The following DCTPP1 variants were observed in gnomAD, a reference collection of about 807,000 sequenced individuals.
The protein encoded by DCTPP1 is dCTP pyrophosphatase 1, also known as XTP3-transactivated gene A protein.
A neutral mutation model predicts 8.8 loss-of-function variants in DCTPP1; 8 were observed. The ratio of observed to expected loss-of-function variants is 0.91; its 90% CI spans 0.54 to 1.64. DCTPP1 has a LOEUF of 1.64. Ranked by LOEUF, DCTPP1 falls within the 40% of genes most tolerant of loss-of-function variation. The pLI is 0.00. For synonymous variants in DCTPP1, 85 were observed against 92.1 expected (o/e 0.92, Z 0.44); for missense variants, 231 against 230.4 (o/e 1.00, Z -0.02).
chr16:30,424,490 G>T lies in DCTPP1; in HGVS notation c.256C>A (p.Pro86Thr), dbSNP rs780869586. 6 of 1,614,158 alleles carry T rather than the reference G, an allele frequency of 3.7e-6. No homozygotes were observed. Among genetic ancestry groups the T allele is most frequent in the Non-Finnish European group, 5.1e-6 (6 of 1,180,048 alleles). Residue 86 changes from proline to threonine, a missense_variant, in exon 3 of 3, where the codon CCC becomes ACC. By Grantham distance (38) the Pro-to-Thr change is conservative. Coordinates refer to ENST00000319285, the MANE Select transcript of DCTPP1 (RefSeq NM_024096.2). ...TCTTGAAGGGCTGCCCGTTCCCTGGGGGACCAGCCTTGGGGGCCAGGTTCC... is the reference window on the plus strand; with the variant it reads ...TCTTGAAGGGCTGCCCGTTCCCTGGTGGACCAGCCTTGGGGGCCAGGTTCC... ...DGEPGPQGWSPRERAALQEEL... is the reference protein window; with the variant it reads ...DGEPGPQGWSTRERAALQEEL...
chr16:30,424,644 G>A, intron 2 of DCTPP1, 111 bp from the exon 3 acceptor site: 2 of 1,384,000 alleles, frequency 1.4e-6, no homozygotes, highest in Non-Finnish European at 1.9e-6. Flanking sequence ...ACCAATCTGG[G>A]CCCTGGGAAG....
intron 2 of DCTPP1, among the ~76,000 whole-genome samples, chr16:30,425,175 C>G (rs924143192): frequency 6.6e-6 from 1 of 152,286 alleles, no homozygotes; most frequent in South Asian, 2.1e-4. Context: ...CCACCGCACC[C>G]GGCCCACACC....
At chr16:30,428,868 T>C in intron 2 of DCTPP1, 189 bp downstream of exon 2, 1 of 552,288 alleles carries the variant, frequency 1.8e-6, no homozygotes, top group Non-Finnish European at 3.2e-6. Flanking sequence ...ACCTCACACC[T>C]CTCTCTTCCA....
intron 2 of DCTPP1, among the ~76,000 whole-genome samples, chr16:30,427,256 C>T (rs1567445207): frequency 6.9e-6 from 1 of 145,288 alleles, no homozygotes; most frequent in Non-Finnish European, 1.5e-5. Flanking sequence ...ATGATCTGCC[C>T]GTCTCAGCCT....
At position 30,429,166 on chromosome 16, in the gene DCTPP1, G is replaced by A. The variant is rs753614679; in HGVS notation, c.103C>T (p.Arg35Cys). The A allele has an allele frequency of 1.2e-5, 19 of 1,613,916 alleles. No individual in the cohort carries two copies. Among genetic ancestry groups the A allele is most frequent in the Non-Finnish European group, 1.6e-5 (19 of 1,179,972 alleles). ...FSPEPTLEDI[R>C]RLHAEFAAER... ...GCAGCAAACTCAGCATGGAGGCGGCGGCTGAAATAGGACAAAGGAGTGTAA... is the reference window on the plus strand; with the variant it reads ...GCAGCAAACTCAGCATGGAGGCGGCAGCTGAAATAGGACAAAGGAGTGTAA... Residue 35 changes from arginine to cysteine, a missense_variant and splice_region_variant, in exon 2 of 3, where the codon CGC becomes TGC. Coordinates refer to ENST00000319285, the MANE Select transcript of DCTPP1 (RefSeq NM_024096.2).
At position 30,424,393 on chromosome 16, in the gene DCTPP1, A is replaced by G. The variant is rs961928311; in HGVS notation, c.353T>C (p.Val118Ala). The change falls in exon 3 of 3, where the codon GTG becomes GCG. Residue 118 changes from valine (V) to alanine (A), a missense_variant. Coordinates refer to ENST00000319285, the MANE Select transcript of DCTPP1 (RefSeq NM_024096.2). ...CCGGTTGATGTCCATTTTGGAGAGC[A>G]CTGCTAGCGGCAGATCCACACGGCA... The part of the protein sequence containing the change: ...ARCRVDLPLA[V>A]LSKMDINRRR... The G allele has an allele frequency of 6.2e-7, 1 of 1,614,094 alleles. No homozygotes were observed. The highest frequency in any genetic ancestry group is 8.5e-7 in the Non-Finnish European group (1 of 1,180,002).
At chr16:30,427,985 A>G (rs972280334) in intron 2 of DCTPP1, among the ~76,000 whole-genome samples, 1 of 151,994 alleles carries the variant, frequency 6.6e-6, no homozygotes, top group African/African-American at 2.4e-5. Context: ...ACAGAGTGAG[A>G]CCTTTTCTCT....
intron 2 of DCTPP1, 81 bp downstream of exon 2, chr16:30,428,976 T>A: frequency 7.2e-7 from 1 of 1,390,212 alleles, no homozygotes; most frequent in Non-Finnish European, 9.9e-7. Flanking sequence ...ACTGAACCCA[T>A]GAATGTTTGA....
At position 30,427,007 on chromosome 16, in the gene DCTPP1, C is replaced by T. The variant is rs574168544; in HGVS notation, c.212+2050G>A. Among the ~76,000 whole-genome samples, 304 of 134,438 alleles carry T rather than the reference C, an allele frequency of 2.3e-3. 3 individuals carry two copies. Among genetic ancestry groups the T allele is most frequent in the Middle Eastern group, 5.1e-3 (1 of 198 alleles). The allele number at this position is 134,438 out of a possible 152,430, so 88.2% of individuals were successfully genotyped here. A position where few individuals can be genotyped will look rare whatever the true frequency, so the allele number is the denominator to read the frequency against. Reference sequence around the variant, plus strand: ...TGAGCCACCGCACCTGGACCTTTTTCGTTGGGTTTTTTTTTTTTTTGAGAC... The same window carrying T: ...TGAGCCACCGCACCTGGACCTTTTTTGTTGGGTTTTTTTTTTTTTTGAGAC... On this transcript the variant is annotated intron_variant, in intron 2 of 2. Transcript: ENST00000319285.
At chr16:30,428,347 G>A (rs1392755090) in intron 2 of DCTPP1, among the ~76,000 whole-genome samples, 2 of 152,184 alleles carry the variant, frequency 1.3e-5, no homozygotes, top group African/African-American at 2.4e-5. Context: ...ATGAAGGAGC[G>A]TCAGATTCTC....
rs765567699 is a variant in DCTPP1, at chr16:30,424,242, G to A, written c.504C>T (p.Thr168=). Residue 168 remains threonine (T), a synonymous_variant, in exon 3 of 3, where the codon ACC becomes ACT. Transcript: ENST00000319285. ...ADIPCDSTGQ[T]ST ...TCCTGTGGCCATCTTTCTAGGTTGA[G>A]GTCTGGCCTGTGGAGTCACAGGGAA... 3.1e-6 allele frequency: 5 copies of A among 1,613,890 alleles called. No homozygotes were observed. Among genetic ancestry groups the A allele is most frequent in the Admixed American group, 1.7e-5 (1 of 60,010 alleles).
At chr16:30,428,460 C>T (rs1023760472) in intron 2 of DCTPP1, among the ~76,000 whole-genome samples, 2 of 152,212 alleles carry the variant, frequency 1.3e-5, no homozygotes, top group African/African-American at 4.8e-5. Context: ...TTCCTTTCAG[C>T]CCCAGAGGCA....
rs749238723 is a variant in DCTPP1, at chr16:30,424,320, T to C, written c.426A>G (p.Thr142=). 6.2e-7 allele frequency: 1 copy of C among 1,614,120 alleles called. No homozygotes were observed. Among genetic ancestry groups the C allele is most frequent in the East Asian group, 2.2e-5 (1 of 44,904 alleles). Residue 142 remains threonine, a synonymous_variant, in exon 3 of 3, where the codon ACA becomes ACG. Transcript: ENST00000319285. ...CAGAGATGGCCCCATGGGGCAATTCTGTATACTTGCGGGAAGAGCTGCGGG... is the reference window on the plus strand; with the variant it reads ...CAGAGATGGCCCCATGGGGCAATTCCGTATACTTGCGGGAAGAGCTGCGGG... ...HLARSSSRKY[T]ELPHGAISED...
At position 30,424,349 on chromosome 16, in the gene DCTPP1, G is replaced by C; in HGVS notation, c.397C>G (p.Leu133Val). ...TACTTGCGGGAAGAGCTGCGGGCCA[G>C]ATGGGCTGGGTAGCGTCGCCGGTTG... Reference protein sequence around the residue: ...DINRRRYPAHLARSSSRKYTE... With the variant: ...DINRRRYPAHVARSSSRKYTE... Residue 133 changes from leucine to valine, a missense_variant, in exon 3 of 3, where the codon CTG (leucine) becomes GTG (valine). Leu to Val is a conservative substitution (Grantham distance 32). Transcript: ENST00000319285. 3.1e-6 allele frequency: 5 copies of C among 1,614,246 alleles called. No homozygotes were observed. The highest frequency in any genetic ancestry group is 4.2e-6 in the Non-Finnish European group (5 of 1,180,050).
At chr16:30,428,743 G>A in intron 2 of DCTPP1, 1 of 408,436 alleles carries the variant, frequency 2.4e-6, no homozygotes, top group Non-Finnish European at 4.3e-6. Context: ...CTCCAGCCTG[G>A]GCGACAGAGC....
rs1172860792 is a variant in DCTPP1, at chr16:30,424,477, G to A, written c.269C>T (p.Ala90Val). Residue 90 changes from alanine to valine, a missense_variant, in exon 3 of 3, where the codon GCA (alanine) becomes GTA (valine). Transcript: ENST00000319285. ...GTCACTAAGCTCCTCTTGAAGGGCT[G>A]CCCGTTCCCTGGGGGACCAGCCTTG... Reference protein sequence around the residue: ...GPQGWSPRERAALQEELSDVL... With the variant: ...GPQGWSPRERVALQEELSDVL... The A allele has an allele frequency of 6.2e-7, 1 of 1,614,200 alleles. No individual in the cohort carries two copies. Among genetic ancestry groups the A allele is most frequent in the Admixed American group, 1.7e-5 (1 of 60,030 alleles).
rs2151129872 is a variant in DCTPP1 at position 30,429,902 on chromosome 16, G to A, written c.79C>T (p.Pro27Ser). 6.3e-7 allele frequency: 1 copy of A among 1,596,258 alleles called. No homozygotes were observed. Among genetic ancestry groups the A allele is most frequent in the Non-Finnish European group, 8.5e-7 (1 of 1,172,216 alleles). ...TAAPGRFSFS[P>S]EPTLEDIRRL... ...TACATGTCCTCGAGCGTGGGCTCCG[G>A]GCTGAAGCTGAACCGGCCGGGAGCA... Residue 27 changes from proline (P) to serine (S), a missense_variant, in exon 1 of 3, where the codon CCG (proline) becomes TCG (serine). Physicochemically the swap from Pro to Ser is moderately conservative, Grantham distance 74. Coordinates refer to ENST00000319285, the MANE Select transcript of DCTPP1 (RefSeq NM_024096.2).
At position 30,424,579 on chromosome 16, in the gene DCTPP1, G is replaced by A. The variant is rs758354813; in HGVS notation, c.213-46C>T. 2.1e-5 allele frequency: 34 copies of A among 1,590,352 alleles called. No individual in the cohort carries two copies. In the South Asian group the frequency reaches 3.6e-4, roughly 17 times the overall value. ...GACACACACTCAGATGTAACCTGGG[G>A]CAATGGGCTCTGCCAGTCCTTGCAG... On this transcript the variant is annotated intron_variant, in intron 2 of 2. Transcript: ENST00000319285.
chr16:30,425,214 C>T lies in DCTPP1; in HGVS notation c.213-681G>A, dbSNP rs558816780. On this transcript the variant is annotated intron_variant, in intron 2 of 2. Coordinates refer to ENST00000319285, the MANE Select transcript of DCTPP1 (RefSeq NM_024096.2). ...TTTTAAAAGCACAAATCAGGCTTGG[C>T]GCAGTGGCTCACGCCTATAATCCCA... Among the ~76,000 whole-genome samples the T allele has an allele frequency of 2.0e-4, 31 of 152,182 alleles. 1 individual carries two copies. In the South Asian group the frequency reaches 3.7e-3, roughly 18 times the overall value.
Sources: gnomAD v4.1 joint callset for allele counts (sites outside exome capture counted in the v4.1 genomes callset) on GRCh38, gnomAD v4.1.1 for gene constraint, MANE v1.5 for transcripts, NCBI Gene and HGNC (gene_info 2026-07-23, HGNC 2026-07-21) for gene names.